Variants in NDRG4 observed in about 807,000 individuals in gnomAD.
NDRG4 encodes the protein protein NDRG4.
In NDRG4, 38 loss-of-function variants were observed where a neutral mutation model predicts 55.8. The ratio of observed to expected loss-of-function variants is 0.68; its 90% CI spans 0.53 to 0.89. The LOEUF (loss-of-function observed/expected upper bound fraction) is 0.89. Ranked by LOEUF, NDRG4 falls within the 40% of genes least tolerant of loss-of-function variation. The pLI is 0.00. For missense variants in NDRG4, 455 were observed against 468.6 expected, an observed-to-expected ratio of 0.97 and a Z score of 0.27; for synonymous variants, 190 against 182.7, an observed-to-expected ratio of 1.04 and a Z score of -0.32.
Position 58,501,467 on chromosome 16 carries a change from C to T in NDRG4, c.21+1198C>T, listed in dbSNP as rs930992636. On this transcript the variant is annotated intron_variant, in intron 1 of 14. Coordinates refer to ENST00000570248, the MANE Select transcript of NDRG4 (RefSeq NM_001242835.2). ...GGCCGGCTCTGACGTCACCCAGAGC[C>T]AATGGGAGTGCTCGGCCCTGAGGGT... 15 of 176,368 alleles carry T rather than the reference C, an allele frequency of 8.5e-5. No individual in the cohort carries two copies. The South Asian group carries it at 1.2e-3, about 14-fold the overall frequency. 10.9% of individuals were successfully genotyped at this position (176,368 alleles called of 1,614,324 possible). A position where few individuals can be genotyped will look rare whatever the true frequency, so the allele number is the denominator to read the frequency against.
intron 1 of NDRG4, among the ~76,000 whole-genome samples, chr16:58,468,798 A>G (rs1464935033): frequency 3.9e-5 from 6 of 152,192 alleles, no homozygotes; most frequent in Non-Finnish European, 8.8e-5. Context: ...AGCTCATTAC[A>G]ATTCTCAGAG....
intron 1 of NDRG4, among the ~76,000 whole-genome samples, chr16:58,478,843 A>G (rs1184269475): frequency 1.3e-5 from 2 of 151,738 alleles, no homozygotes; most frequent in Admixed American, 1.3e-4. Context: ...AATCAGTGAT[A>G]TCTTAGATTT....
At chr16:58,500,318 T>A in intron 1 of NDRG4, 49 bp downstream of exon 1, 1 of 1,531,686 alleles carries the variant, frequency 6.5e-7, no homozygotes, top group Non-Finnish European at 8.7e-7. Context: ...GGATGGTGCA[T>A]CCTTATGACC....
In NDRG4 at chr16:58,511,993, C is replaced by T. The variant is rs1371077328; in HGVS notation, c.*417C>T. The T allele has an allele frequency of 1.1e-5, 5 of 461,396 alleles. No individual in the cohort carries two copies. The highest frequency in any genetic ancestry group is 2.0e-5 in the African/African-American group (1 of 50,314). 28.6% of individuals were successfully genotyped at this position (461,396 alleles called of 1,614,324 possible). The stretch of plus-strand genomic sequence containing the variant: ...CAGCTCAGGCACTGGCGTGGGAGCC[C>T]TGGGAGACCCCTTCCCCCACCCTCC... On this transcript the variant is annotated 3_prime_UTR_variant, in exon 15 of 15. Coordinates refer to ENST00000570248, the MANE Select transcript of NDRG4 (RefSeq NM_001242835.2).
intron 5 of NDRG4, 130 bp downstream of exon 5, chr16:58,504,779 C>T: frequency 1.1e-6 from 1 of 893,842 alleles, no homozygotes; most frequent in Non-Finnish European, 1.8e-6. Context: ...CTCCCACCTC[C>T]TCTTTATGTA....
downstream of NDRG4, among the ~76,000 whole-genome samples, chr16:58,514,552 C>G (rs1392742872): frequency 6.6e-6 from 1 of 151,850 alleles, no homozygotes; most frequent in Non-Finnish European, 1.5e-5. Context: ...GCCTGGGCAA[C>G]GCGGTGAAAC....
At position 58,488,323 on chromosome 16, in the gene NDRG4, G is replaced by A. The variant is rs946609684; in HGVS notation, c.72+473G>A. ...CAGTGCCACCCGGGGCAGTGGGACAGAGGCATCACAGGTTATGATTTTGTC... is the reference window on the plus strand; with the variant it reads ...CAGTGCCACCCGGGGCAGTGGGACAAAGGCATCACAGGTTATGATTTTGTC... On this transcript the variant is annotated intron_variant, in intron 2 of 15. Coordinates refer to the NDRG4 transcript ENST00000258187. Among the ~76,000 whole-genome samples, 3 of 152,236 alleles carry A rather than the reference G, an allele frequency of 2.0e-5. No homozygotes were observed. In the East Asian group the frequency reaches 5.8e-4, roughly 29 times the overall value.
At chr16:58,511,088 T>C (rs1375354888) in intron 14 of NDRG4, 1 of 471,984 alleles carries the variant, frequency 2.1e-6, no homozygotes, top group East Asian at 3.5e-5. Context: ...TTGAGGGCAG[T>C]ATGCGACCAC....
At chr16:58,472,947 C>T (rs1056307307) in intron 1 of NDRG4, among the ~76,000 whole-genome samples, 1 of 152,134 alleles carries the variant, frequency 6.6e-6, no homozygotes, top group African/African-American at 2.4e-5. Flanking sequence ...GGCTTTGCTG[C>T]TTTATCCTCA....
At chr16:58,485,758 C>A (rs1346274378) in intron 1 of NDRG4, among the ~76,000 whole-genome samples, 1 of 152,126 alleles carries the variant, frequency 6.6e-6, no homozygotes, top group Non-Finnish European at 1.5e-5. Context: ...CAGCATGGCA[C>A]GTGCACAGGG....
chr16:58,492,489 CGTGTGTGTGT>C (rs58901035), intron 2 of NDRG4, among the ~76,000 whole-genome samples: 10,364 of 123,868 alleles, frequency 0.084, 556 homozygotes, highest in Middle Eastern at 0.11. Flanking sequence ...TCTGCTCCAC[CGTGTGTGTGT>C]GTGTGTGTGT....
intron 1 of NDRG4, among the ~76,000 whole-genome samples, chr16:58,483,925 C>T (rs1264940678): frequency 1.3e-5 from 2 of 152,086 alleles, no homozygotes; most frequent in South Asian, 2.1e-4. Context: ...AAAAAATAGT[C>T]GGGCTCTGGT....
At chr16:58,509,864 G>A (rs995708550) in intron 13 of NDRG4, among the ~76,000 whole-genome samples, 2 of 152,194 alleles carry the variant, frequency 1.3e-5, no homozygotes, top group African/African-American at 4.8e-5. Flanking sequence ...GGCATTCAGA[G>A]AGCTGAAAGC....
chr16:58,504,287 A>G lies in NDRG4; in HGVS notation c.248+13A>G. 6.2e-7 allele frequency: 1 copy of G among 1,613,930 alleles called. No homozygotes were observed. The highest frequency in any genetic ancestry group is 1.7e-4 in the Middle Eastern group (1 of 6,060). On this transcript the variant is annotated intron_variant, in intron 3 of 14. Transcript: ENST00000570248. The stretch of plus-strand genomic sequence containing the variant: ...AGTTTCCTCAGGGGTAGGTACCCTG[A>G]GCCCCCTCTGCCTGTCTCCAGCTCT...
At chr16:58,505,363 A>T (rs28733237) in intron 5 of NDRG4, among the ~76,000 whole-genome samples, 1 of 151,088 alleles carries the variant, frequency 6.6e-6, no homozygotes, top group African/African-American at 2.5e-5. Flanking sequence ...AAATAAAAAA[A>T]TAAAAAAAAT....
intron 1 of NDRG4, among the ~76,000 whole-genome samples, chr16:58,477,099 A>C (rs2033753928): frequency 6.6e-6 from 1 of 151,320 alleles, no homozygotes. Flanking sequence ...GATCAGTATA[A>C]ATTCCAGATT....
At chr16:58,497,591 A>G (rs2036554063), upstream of NDRG4, among the ~76,000 whole-genome samples, 1 of 152,204 alleles carries the variant, frequency 6.6e-6, no homozygotes, top group East Asian at 1.9e-4. Context: ...CTGCCTGTGC[A>G]GTAGGCACTG....
chr16:58,507,733 G>C (rs1471404992), intron 8 of NDRG4, 75 bp from the exon 9 acceptor site: 11 of 1,415,372 alleles, frequency 7.8e-6, no homozygotes, highest in Middle Eastern at 2.3e-4. Context: ...CCAATTGGCA[G>C]TGTTGGGCTT....
At chr16:58,499,883 C>T (rs372542253), upstream of NDRG4, 59 of 411,512 alleles carry the variant, frequency 1.4e-4, no homozygotes, top group South Asian at 1.2e-3. Flanking sequence ...CAGCTGTTGG[C>T]GTGTGCCTAT....
Sources: allele counts gnomAD v4.1 joint callset (sites outside exome capture counted in the v4.1 genomes callset), GRCh38; gene constraint gnomAD v4.1.1; transcripts MANE v1.5; gene names NCBI Gene and HGNC (gene_info 2026-07-23, HGNC 2026-07-21).